CPT1A: variants seen among roughly 807,000 people sequenced by gnomAD.
CPT1A encodes the protein carnitine O-palmitoyltransferase 1, liver isoform.
In CPT1A, 64 loss-of-function variants were observed where a neutral mutation model predicts 100.8. That is an observed-to-expected ratio of 0.63 (90% CI 0.52 to 0.78). The LOEUF is 0.78. CPT1A is among the 30% of genes least tolerant of loss of function. The pLI, the probability that CPT1A is intolerant of heterozygous loss-of-function variation, is 0.00. For synonymous variants in CPT1A, 363 were observed against 396.0 expected (o/e 0.92, Z 0.99); for missense variants, 802 against 1,034.1 (o/e 0.78, Z 3.08).
intron 10 of CPT1A, among the ~76,000 whole-genome samples, chr11:68,782,915 G>C (rs1321493631): frequency 1.3e-5 from 2 of 152,178 alleles, no homozygotes; most frequent in African/African-American, 4.8e-5. Flanking sequence ...CTATCCAGAG[G>C]GGGCATCGGG....
intron 9 of CPT1A, among the ~76,000 whole-genome samples, chr11:68,789,516 C>A (rs1855559146): frequency 6.6e-6 from 1 of 152,132 alleles, no homozygotes; most frequent in African/African-American, 2.4e-5. Context: ...CCTGCCTCAG[C>A]CTCCTGAGTA....
At chr11:68,790,000 C>G (rs1855570236) in intron 9 of CPT1A, among the ~76,000 whole-genome samples, 1 of 152,082 alleles carries the variant, frequency 6.6e-6, no homozygotes, top group African/African-American at 2.4e-5. Flanking sequence ...CTGTTTCTAC[C>G]CAAAAGATAT....
rs1855047449 is a variant in CPT1A at position 68,773,332 on chromosome 11, A to T, written c.1673T>A (p.Ile558Asn). The change falls in exon 14 of 19, where the codon ATC (isoleucine) becomes AAC (asparagine). Residue 558 changes from isoleucine to asparagine, a missense_variant. Ile to Asn is a moderately radical substitution (Grantham distance 149). Around this residue, in one of 4 missense-constraint regions of CPT1A, gnomAD observed 627 missense variants for 799.3 expected, o/e 0.78. Coordinates refer to ENST00000265641, the MANE Select transcript of CPT1A (RefSeq NM_001876.4). Reference sequence around the variant, plus strand: ...TGGGCTCGTGCGACATTTCTTGATGATTCCTTTACCAAAGGCTACGAATGG... The same window carrying T: ...TGGGCTCGTGCGACATTTCTTGATGTTTCCTTTACCAAAGGCTACGAATGG... ...SFPFVAFGKG[I>N]IKKCRTSPDA... 2 of 1,614,192 alleles carry T rather than the reference A, an allele frequency of 1.2e-6. No individual in the cohort carries two copies. The highest frequency in any genetic ancestry group is 1.7e-6 in the Non-Finnish European group (2 of 1,180,028).
chr11:68,804,799 T>C (rs1855999165), intron 4 of CPT1A, among the ~76,000 whole-genome samples: 1 of 152,204 alleles, frequency 6.6e-6, no homozygotes, highest in African/African-American at 2.4e-5. Flanking sequence ...AGGGTCAACG[T>C]GCCTGGCCCT....
chr11:68,773,328 G>C lies in CPT1A; in HGVS notation c.1677C>G (p.Ile559Met). The C allele has an allele frequency of 6.2e-7, 1 of 1,614,208 alleles. No individual in the cohort carries two copies. The highest frequency in any genetic ancestry group is 2.2e-5 in the East Asian group (1 of 44,890). ...FPFVAFGKGI[I>M]KKCRTSPDAF... The stretch of plus-strand genomic sequence containing the variant: ...CGTCTGGGCTCGTGCGACATTTCTT[G>C]ATGATTCCTTTACCAAAGGCTACGA... Residue 559 changes from isoleucine (I) to methionine (M), a missense_variant, in exon 14 of 19, where the codon ATC becomes ATG. By Grantham distance (10) the Ile-to-Met change is conservative. Transcript: ENST00000265641.
In CPT1A at chr11:68,761,384, T is replaced by C. The variant is rs1178455253; in HGVS notation, c.2028+151A>G. 6 of 876,500 alleles carry C rather than the reference T, an allele frequency of 6.8e-6. No homozygotes were observed. The Admixed American group carries it at 1.3e-4, about 18-fold the overall frequency. 54.3% of individuals were successfully genotyped at this position (876,500 alleles called of 1,614,324 possible). A position where few individuals can be genotyped will look rare whatever the true frequency, so the allele number is the denominator to read the frequency against. On this transcript the variant is annotated intron_variant, in intron 16 of 18. Transcript: ENST00000265641. ...AGAAATGCAGTACTAAACGCGCTGCTCACATTTTCCATTTTATGACAGCTA... is the reference window on the plus strand; with the variant it reads ...AGAAATGCAGTACTAAACGCGCTGCCCACATTTTCCATTTTATGACAGCTA...
At position 68,799,209 on chromosome 11, in the gene CPT1A, C is replaced by T; in HGVS notation, c.693+9G>A. The T allele has an allele frequency of 3.7e-6, 6 of 1,612,630 alleles. No homozygotes were observed. The highest frequency in any genetic ancestry group is 5.1e-6 in the Non-Finnish European group (6 of 1,178,818). On this transcript the variant is annotated intron_variant, in intron 6 of 18. Transcript: ENST00000265641. Reference sequence around the variant, plus strand: ...ATTTCATCAAGAAAAACTGTGTATACAGACTTACGTAATTTGTAGCCCACC... The same window carrying T: ...ATTTCATCAAGAAAAACTGTGTATATAGACTTACGTAATTTGTAGCCCACC...
intron 12 of CPT1A, among the ~76,000 whole-genome samples, chr11:68,776,128 G>C (rs12273177): frequency 0.76 from 115,911 of 152,240 alleles, 45,422 homozygotes; most frequent in East Asian, 0.87. Flanking sequence ...GGCAGGCGCG[G>C]TGCCTCACTT....
chr11:68,799,276 C>A lies in CPT1A; in HGVS notation c.635G>T (p.Gly212Val), dbSNP rs371000221. The change falls in exon 6 of 19, where the codon GGT becomes GTT. Residue 212 changes from glycine (G) to valine (V), a missense_variant. Physicochemically the swap from Gly to Val is moderately radical, Grantham distance 109. Coordinates refer to ENST00000265641, the MANE Select transcript of CPT1A (RefSeq NM_001876.4). ...ATACCACTGTAATCTTGGTCCAAGA[C>A]CGACAGCAAAATCTTGAGCAAGTGC... ...MTALAQDFAV[G>V]LGPRLQWYLK... 4.3e-6 allele frequency: 7 copies of A among 1,613,942 alleles called. No individual in the cohort carries two copies. The African/African-American group carries it at 9.3e-5, about 22-fold the overall frequency.
intron 14 of CPT1A, among the ~76,000 whole-genome samples, chr11:68,765,164 G>T (rs753072712): frequency 1.3e-5 from 2 of 152,254 alleles, no homozygotes; most frequent in Non-Finnish European, 2.9e-5. Context: ...AGGGAGAGAA[G>T]CAGATAAAAG....
chr11:68,815,598 A>T, intron 1 of CPT1A, 111 bp from the exon 2 acceptor site: 1 of 1,069,154 alleles, frequency 9.4e-7, no homozygotes, highest in Non-Finnish European at 1.4e-6. Context: ...TCGCCACTTA[A>T]CAGATTTAAT....
At position 68,760,066 on chromosome 11, in the gene CPT1A, C is replaced by T. The variant is rs117844102; in HGVS notation, c.2142+159G>A. ...AAAAAAATAAAAAATAAGTGCAAGACTGCCAAGGACATCCATAGCAATGAT... is the reference window on the plus strand; with the variant it reads ...AAAAAAATAAAAAATAAGTGCAAGATTGCCAAGGACATCCATAGCAATGAT... On this transcript the variant is annotated intron_variant, in intron 17 of 18. Transcript: ENST00000265641. 6.6e-3 allele frequency among the ~76,000 whole-genome samples: 998 copies of T among 152,244 alleles called. 10 individuals are homozygous for T. The highest frequency in any genetic ancestry group is 8.6e-3 in the Non-Finnish European group (587 of 68,004).
At chr11:68,823,953 A>G (rs1001111441) in intron 1 of CPT1A, among the ~76,000 whole-genome samples, 2 of 151,762 alleles carry the variant, frequency 1.3e-5, no homozygotes, top group African/African-American at 4.8e-5. Context: ...AGACATAAAG[A>G]TGGAAGTGAC....
At chr11:68,797,010 G>T (rs1409711494) in intron 6 of CPT1A, 77 bp from the exon 7 acceptor site, 3 of 1,403,644 alleles carry the variant, frequency 2.1e-6, no homozygotes, top group Non-Finnish European at 3.0e-6. Context: ...GCCCAGAGCC[G>T]CGGGGAAGGG....
chr11:68,797,093 A>G (rs1287267403), intron 6 of CPT1A, among the ~76,000 whole-genome samples, 160 bp from the exon 7 acceptor site: 1 of 152,198 alleles, frequency 6.6e-6, no homozygotes, highest in African/African-American at 2.4e-5. Flanking sequence ...AGTCCTAACT[A>G]GATGGAATGC....
In CPT1A at chr11:68,757,741, A is replaced by G. The variant is rs998523894; in HGVS notation, c.2236-11T>C. The G allele has an allele frequency of 3.7e-6, 6 of 1,613,128 alleles. No homozygotes were observed. In the African/African-American group the frequency reaches 8.0e-5, roughly 22 times the overall value. ...AAAGCGATGAGAATCCTTTCATGTA[A>G]AAACAAAAACCAAAAACCTATTAAA... On this transcript the variant is annotated splice_polypyrimidine_tract_variant and intron_variant, in intron 18 of 18. Coordinates refer to ENST00000265641, the MANE Select transcript of CPT1A (RefSeq NM_001876.4).
intron 1 of CPT1A, among the ~76,000 whole-genome samples, chr11:68,839,046 C>T (rs1055139510): frequency 2.0e-4 from 30 of 152,112 alleles, no homozygotes; most frequent in Non-Finnish European, 3.1e-4. Flanking sequence ...CAAACAATCT[C>T]GAACAGCCAT....
intron 1 of CPT1A, among the ~76,000 whole-genome samples, chr11:68,827,790 C>T (rs1289781033): frequency 4.6e-5 from 7 of 152,294 alleles, no homozygotes; most frequent in East Asian, 1.9e-4. Flanking sequence ...CATACACGTG[C>T]GAGGCACACA....
chr11:68,772,740 AG>A (rs984363969), intron 14 of CPT1A, among the ~76,000 whole-genome samples: 5 of 152,126 alleles, frequency 3.3e-5, no homozygotes, highest in African/African-American at 9.7e-5. Flanking sequence ...GTATGGTGAA[AG>A]GAAGATTTAC....
Sources: allele counts gnomAD v4.1 joint callset (sites outside exome capture counted in the v4.1 genomes callset), GRCh38; gene constraint gnomAD v4.1.1; regional missense constraint gnomAD v4.1.1; transcripts MANE v1.5; gene names NCBI Gene and HGNC (gene_info 2026-07-23, HGNC 2026-07-21).